Variants in MACROD2 observed in about 807,000 individuals in gnomAD.
The protein encoded by MACROD2 is mono-ADP ribosylhydrolase 2.
Under a neutral mutation model 70.4 loss-of-function variants are expected in MACROD2, and 36 were observed. The ratio of observed to expected loss-of-function variants is 0.51; its 90% CI spans 0.39 to 0.68. The LOEUF is 0.68. MACROD2 is among the 30% of genes least tolerant of loss of function. The pLI is 0.00. For missense variants in MACROD2, 496 were observed against 538.4 expected (o/e 0.92, Z 0.78); for synonymous variants, 172 against 178.8 (o/e 0.96, Z 0.30).
chr20:15,211,201 C>G (rs189883497), intron 5 of MACROD2, among the ~76,000 whole-genome samples: 255 of 152,282 alleles, frequency 1.7e-3, no homozygotes, highest in South Asian at 0.017. Flanking sequence ...ATACTATATT[C>G]TCTTTTGTCT....
chr20:14,419,125 G>A (rs2083846380), intron 3 of MACROD2, among the ~76,000 whole-genome samples: 1 of 152,062 alleles, frequency 6.6e-6, no homozygotes, highest in Admixed American at 6.5e-5. Flanking sequence ...CGGGATCTCG[G>A]CTCACCGCAA....
At chr20:15,087,401 T>C (rs1007648168) in intron 5 of MACROD2, among the ~76,000 whole-genome samples, 1 of 152,032 alleles carries the variant, frequency 6.6e-6, no homozygotes, top group Non-Finnish European at 1.5e-5. Context: ...AATTCAGGCA[T>C]AGACCCAAGT....
chr20:15,288,178 A>T lies in MACROD2; in HGVS notation c.540+58117A>T, dbSNP rs183012181. ...AAAGGAGAAGACACTATGTTGGTTGACATAGTTGAAATTTTGAAGAATTCT... is the reference window on the plus strand; with the variant it reads ...AAAGGAGAAGACACTATGTTGGTTGTCATAGTTGAAATTTTGAAGAATTCT... On this transcript the variant is annotated intron_variant, in intron 6 of 17. Coordinates refer to ENST00000684519, the MANE Select transcript of MACROD2 (RefSeq NM_001351661.2). Among the ~76,000 whole-genome samples, 235 of 152,288 alleles carry T rather than the reference A, an allele frequency of 1.5e-3. 1 individual carries two copies. The highest frequency in any genetic ancestry group is 5.2e-3 in the South Asian group (25 of 4,830).
At chr20:15,859,811 A>ATC (rs33939667) in intron 8 of MACROD2, among the ~76,000 whole-genome samples, 5 of 150,492 alleles carry the variant, frequency 3.3e-5, no homozygotes, top group South Asian at 2.1e-4. Flanking sequence ...TTTGGACTTA[A>ATC]ATCATTTCCA....
chr20:15,445,041 T>C (rs2046544459), intron 7 of MACROD2, among the ~76,000 whole-genome samples: 1 of 152,204 alleles, frequency 6.6e-6, no homozygotes, highest in South Asian at 2.1e-4. Flanking sequence ...GGGCAGGGAC[T>C]TTGATTATTT....
intron 5 of MACROD2, among the ~76,000 whole-genome samples, chr20:15,143,186 T>A (rs2076205263): frequency 6.6e-6 from 1 of 152,198 alleles, no homozygotes; most frequent in African/African-American, 2.4e-5. Context: ...GTTTCCTGAC[T>A]TTTTAATGAT....
At chr20:14,951,227 C>A (rs1479681005) in intron 5 of MACROD2, among the ~76,000 whole-genome samples, 1 of 152,036 alleles carries the variant, frequency 6.6e-6, no homozygotes, top group Non-Finnish European at 1.5e-5. Flanking sequence ...ATCAGATCCC[C>A]ATACATAACA....
At chr20:15,980,097 A>G (rs901581820) in intron 13 of MACROD2, among the ~76,000 whole-genome samples, 1 of 152,228 alleles carries the variant, frequency 6.6e-6, no homozygotes. Flanking sequence ...ACCGGTGGTC[A>G]GAGTGAAACA....
intron 15 of MACROD2, among the ~76,000 whole-genome samples, chr20:16,009,355 G>A (rs2066831197): frequency 6.6e-6 from 1 of 152,110 alleles, no homozygotes; most frequent in Non-Finnish European, 1.5e-5. Context: ...CTCAGCTTAA[G>A]GATTTAAAGT....
intron 6 of MACROD2, among the ~76,000 whole-genome samples, chr20:15,316,029 C>T (rs1325237210): frequency 1.3e-5 from 2 of 149,988 alleles, no homozygotes; most frequent in African/African-American, 4.9e-5. Flanking sequence ...TTATAATTCC[C>T]ACAGTAACCA....
Position 16,051,675 on chromosome 20 carries a change from T to C in MACROD2, c.*1799T>C, listed in dbSNP as rs1359810764. On this transcript the variant is annotated 3_prime_UTR_variant, in exon 18 of 18. Transcript: ENST00000684519. ...TCATTTTAAAGAATCCAAGAAACGA[T>C]GTCATCCAAATATTGACAGTTTCTA... The C allele has an allele frequency of 6.6e-6, 1 of 152,210 alleles. No homozygotes were observed. Among genetic ancestry groups the C allele is most frequent in the East Asian group, 1.9e-4 (1 of 5,192 alleles). 9.4% of individuals were successfully genotyped at this position (152,210 alleles called of 1,614,324 possible). A position where few individuals can be genotyped will look rare whatever the true frequency, so the allele number is the denominator to read the frequency against.
chr20:14,674,987 T>C (rs1366953241), intron 4 of MACROD2, among the ~76,000 whole-genome samples: 1 of 152,096 alleles, frequency 6.6e-6, no homozygotes, highest in African/African-American at 2.4e-5. Context: ...CCTGTGAAAA[T>C]CCAAGAATTC....
At chr20:14,464,584 A>G (rs1205884397) in intron 3 of MACROD2, among the ~76,000 whole-genome samples, 1 of 151,768 alleles carries the variant, frequency 6.6e-6, no homozygotes, top group Admixed American at 6.6e-5. Flanking sequence ...TAGCTTTTGA[A>G]TGTGTTTGCT....
At chr20:15,537,470 T>TTTC (rs2047892692) in intron 8 of MACROD2, among the ~76,000 whole-genome samples, 1 of 91,778 alleles carries the variant, frequency 1.1e-5, no homozygotes, top group African/African-American at 4.3e-5. Flanking sequence ...CACTCATCTT[T>TTTC]TTTTTTTTTT....
chr20:15,783,113 T>C (rs1315916995), intron 8 of MACROD2, among the ~76,000 whole-genome samples: 1 of 152,178 alleles, frequency 6.6e-6, no homozygotes, highest in African/African-American at 2.4e-5. Context: ...TGCCTGTATG[T>C]GGCTTGTTTA....
At chr20:15,343,445 G>T (rs1020599921) in intron 6 of MACROD2, among the ~76,000 whole-genome samples, 1 of 152,082 alleles carries the variant, frequency 6.6e-6, no homozygotes, top group African/African-American at 2.4e-5. Context: ...TCAGAAGAAG[G>T]CTTCATTAGA....
intron 3 of MACROD2, among the ~76,000 whole-genome samples, chr20:14,319,542 G>T (rs1239879604): frequency 6.6e-6 from 1 of 151,960 alleles, no homozygotes; most frequent in Non-Finnish European, 1.5e-5. Flanking sequence ...CTTAATCATT[G>T]TTTCTGTTTT....
chr20:15,177,623 A>G lies in MACROD2; in HGVS notation c.419-52317A>G, dbSNP rs185187301. On this transcript the variant is annotated intron_variant, in intron 5 of 17. Transcript: ENST00000684519. Reference sequence around the variant, plus strand: ...TTTTCCCAGTCATCTGCCTCATTCTATGTTGAGGGTTTCACTAATGAATGT... The same window carrying G: ...TTTTCCCAGTCATCTGCCTCATTCTGTGTTGAGGGTTTCACTAATGAATGT... Among the ~76,000 whole-genome samples the G allele has an allele frequency of 6.4e-4, 97 of 152,284 alleles. 1 individual carries two copies. Among genetic ancestry groups the G allele is most frequent in the Non-Finnish European group, 3.1e-4 (21 of 68,012 alleles).
intron 5 of MACROD2, among the ~76,000 whole-genome samples, chr20:14,890,303 T>A (rs895592005): frequency 1.3e-5 from 2 of 151,874 alleles, no homozygotes; most frequent in African/African-American, 4.8e-5. Context: ...GAAAAGAGGA[T>A]GGAGGTCTGA....
Sources: gnomAD v4.1 joint callset for allele counts (sites outside exome capture counted in the v4.1 genomes callset) on GRCh38, gnomAD v4.1.1 for gene constraint, MANE v1.5 for transcripts, NCBI Gene and HGNC (gene_info 2026-07-23, HGNC 2026-07-21) for gene names.